Variants in CRB1 observed in about 807,000 individuals in gnomAD.
CRB1 encodes crumbs cell polarity complex component 1, also known as protein crumbs homolog 1.
CRB1 carries 83 observed loss-of-function variants against 120.0 expected under a neutral mutation model. The ratio of observed to expected loss-of-function variants is 0.69; its 90% CI spans 0.58 to 0.83. CRB1 has a LOEUF of 0.83. CRB1 is among the 40% of genes least tolerant of loss of function. The probability of loss-of-function intolerance (pLI) is 0.00; values close to 1 mark genes in which losing one functional copy is unlikely to be tolerated. For missense variants in CRB1, 1,699 were observed against 1,687.6 expected (o/e 1.01, Z -0.12); for synonymous variants, 625 against 612.5 (o/e 1.02, Z -0.30).
the CRB1 span, among the ~76,000 whole-genome samples, chr1:197,205,960 T>G: frequency 1.3e-5 from 2 of 151,950 alleles, no homozygotes; most frequent in African/African-American, 2.4e-5. Context: ...TCAGAGTTTC[T>G]AATTCTTCCT....
upstream of CRB1, among the ~76,000 whole-genome samples, chr1:197,263,764 T>C (rs1045442266): frequency 1.3e-5 from 2 of 152,102 alleles, no homozygotes; most frequent in African/African-American, 2.4e-5. Context: ...CAACTCCTTA[T>C]CTCACATTGA....
At chr1:197,349,347 T>C (rs1659956477) in intron 4 of CRB1, among the ~76,000 whole-genome samples, 1 of 152,226 alleles carries the variant, frequency 6.6e-6, no homozygotes, top group South Asian at 2.1e-4. Context: ...AGAACAAATG[T>C]TTGTCTTTAA....
chr1:197,390,663 A>G (rs1332746241), intron 5 of CRB1, among the ~76,000 whole-genome samples: 1 of 152,142 alleles, frequency 6.6e-6, no homozygotes, highest in Admixed American at 6.6e-5. Flanking sequence ...TCCTCTGTTG[A>G]CATTTTAAAC....
chr1:197,410,101 A>G (rs1161619278), intron 5 of CRB1, among the ~76,000 whole-genome samples: 1 of 152,164 alleles, frequency 6.6e-6, no homozygotes, highest in Admixed American at 6.5e-5. Flanking sequence ...TGTTAGTTCT[A>G]TCCACTCACA....
At chr1:197,470,561 T>G (rs969545116) in intron 11 of CRB1, among the ~76,000 whole-genome samples, 1 of 152,204 alleles carries the variant, frequency 6.6e-6, no homozygotes, top group Non-Finnish European at 1.5e-5. Context: ...GAGGCGATAA[T>G]TTTTATTCAC....
chr1:197,291,092 A>G (rs1156555209), intron 1 of CRB1, among the ~76,000 whole-genome samples: 7 of 151,848 alleles, frequency 4.6e-5, no homozygotes, highest in Non-Finnish European at 8.8e-5. Flanking sequence ...TGAATAGGTA[A>G]TAAGTACTAA....
At chr1:197,355,275 T>G (rs1381020998) in intron 4 of CRB1, among the ~76,000 whole-genome samples, 1 of 152,164 alleles carries the variant, frequency 6.6e-6, no homozygotes, top group Non-Finnish European at 1.5e-5. Flanking sequence ...GATTGGTGCA[T>G]CCACAATCCC....
At chr1:197,399,720 T>C (rs2125429993) in intron 5 of CRB1, among the ~76,000 whole-genome samples, 1 of 152,290 alleles carries the variant, frequency 6.6e-6, no homozygotes, top group South Asian at 2.1e-4. Flanking sequence ...CCTCCAGGGC[T>C]GGGGTCTCCT....
At chr1:197,269,085 T>C (rs1654762238) in intron 1 of CRB1, among the ~76,000 whole-genome samples, 2 of 152,328 alleles carry the variant, frequency 1.3e-5, no homozygotes, top group East Asian at 1.9e-4. Flanking sequence ...GCAATGTTTC[T>C]GAGATAATCT....
chr1:197,318,175 G>A (rs892686848), intron 1 of CRB1, among the ~76,000 whole-genome samples: 1 of 152,070 alleles, frequency 6.6e-6, no homozygotes, highest in African/African-American at 2.4e-5. Flanking sequence ...CAAAAAATGA[G>A]CGAAAGACTT....
chr1:197,301,597 A>T (rs1199299829), intron 1 of CRB1, among the ~76,000 whole-genome samples: 1 of 152,226 alleles, frequency 6.6e-6, no homozygotes, highest in Non-Finnish European at 1.5e-5. Flanking sequence ...GCCATTCAGA[A>T]CATTTGTAGG....
intron 5 of CRB1, among the ~76,000 whole-genome samples, chr1:197,398,567 C>G (rs1300423968): frequency 6.6e-6 from 1 of 152,060 alleles, no homozygotes; most frequent in East Asian, 1.9e-4. Context: ...ATACATTGAA[C>G]ACAGCTAGGA....
At chr1:197,419,445 C>T (rs941112570) in intron 5 of CRB1, among the ~76,000 whole-genome samples, 9 of 150,416 alleles carry the variant, frequency 6.0e-5, no homozygotes, top group Admixed American at 2.0e-4. Flanking sequence ...TCACTGCAAT[C>T]TTCACCTCCT....
chr1:197,345,805 G>T (rs1267164611), intron 3 of CRB1, among the ~76,000 whole-genome samples: 1 of 151,986 alleles, frequency 6.6e-6, no homozygotes, highest in Admixed American at 6.6e-5. Context: ...ACTGCACCTG[G>T]CTCTCAAATT....
chr1:197,398,901 T>TGTGG (rs1330161758), intron 5 of CRB1, among the ~76,000 whole-genome samples: 1 of 147,930 alleles, frequency 6.8e-6, no homozygotes, highest in Non-Finnish European at 1.5e-5. Context: ...ATTGTGTGTG[T>TGTGG]GTGTGTGTGT....
At chr1:197,224,806 T>C in the CRB1 span, among the ~76,000 whole-genome samples, 2 of 152,054 alleles carry the variant, frequency 1.3e-5, no homozygotes, top group African/African-American at 2.4e-5. Context: ...GAAATATGGA[T>C]TTATTTTATT....
chr1:197,465,744 G>A (rs1666723694), intron 11 of CRB1, among the ~76,000 whole-genome samples: 2 of 152,184 alleles, frequency 1.3e-5, no homozygotes, highest in African/African-American at 4.8e-5. Flanking sequence ...ACTAGGCAGA[G>A]TTCGAAACTG....
chr1:197,325,101 G>T (rs1658418572), intron 1 of CRB1, among the ~76,000 whole-genome samples: 1 of 152,098 alleles, frequency 6.6e-6, no homozygotes, highest in Admixed American at 6.5e-5. Context: ...AGGTTTCCTT[G>T]CTCACTCATT....
At chr1:197,245,086 G>A in the CRB1 span, among the ~76,000 whole-genome samples, 5 of 151,230 alleles carry the variant, frequency 3.3e-5, no homozygotes, top group African/African-American at 1.2e-4. Context: ...TGTACTTTAA[G>A]TTTTAGGGTA....
Sources: allele counts gnomAD v4.1 joint callset (sites outside exome capture counted in the v4.1 genomes callset), GRCh38; gene constraint gnomAD v4.1.1; transcripts MANE v1.5; gene names NCBI Gene and HGNC (gene_info 2026-07-23, HGNC 2026-07-21).